KSR2: variants seen among roughly 807,000 people sequenced by gnomAD.
KSR2 encodes kinase suppressor of ras 2.
In KSR2, 25 loss-of-function variants were observed where a neutral mutation model predicts 107.8. That is an observed-to-expected ratio of 0.23 (90% confidence interval 0.17 to 0.32). The LOEUF (loss-of-function observed/expected upper bound fraction) is 0.32. Among genes scored for constraint, KSR2 ranks in the 10% least tolerant of loss-of-function variants. The probability of loss-of-function intolerance (pLI) is 1.00; values close to 1 mark genes in which losing one functional copy is unlikely to be tolerated. For synonymous variants in KSR2, 480 were observed against 507.0 expected (o/e 0.95, Z 0.71); for missense variants, 887 against 1,268.9 (o/e 0.70, Z 4.57).
intron 14 of KSR2, among the ~76,000 whole-genome samples, chr12:117,502,886 G>C (rs1470505652): frequency 6.6e-6 from 1 of 152,128 alleles, no homozygotes; most frequent in Non-Finnish European, 1.5e-5. Flanking sequence ...AAGAACATTT[G>C]TGTTCTTTGC....
intron 4 of KSR2, among the ~76,000 whole-genome samples, chr12:117,747,867 T>C (rs953954180): frequency 2.8e-4 from 42 of 152,310 alleles, no homozygotes; most frequent in African/African-American, 1.0e-3. Context: ...TGTAAATTAG[T>C]ACAGCCATTA....
intron 1 of KSR2, among the ~76,000 whole-genome samples, chr12:117,965,231 C>T (rs1366564417): frequency 1.3e-5 from 2 of 152,200 alleles, no homozygotes; most frequent in African/African-American, 4.8e-5. Context: ...AACCATCTTG[C>T]AACCATAAGA....
chr12:117,472,724 C>T (rs1297836234), intron 17 of KSR2, among the ~76,000 whole-genome samples: 1 of 152,116 alleles, frequency 6.6e-6, no homozygotes, highest in Admixed American at 6.5e-5. Flanking sequence ...GATCAGAAAG[C>T]TCTCAAGAGA....
intron 4 of KSR2, among the ~76,000 whole-genome samples, chr12:117,722,417 T>C (rs543167324): frequency 1.2e-4 from 19 of 152,246 alleles, no homozygotes; most frequent in East Asian, 5.8e-4. Context: ...CAGGATGAGA[T>C]AGAAGGTCAG....
intron 1 of KSR2, among the ~76,000 whole-genome samples, chr12:117,954,488 C>T (rs1896450773): frequency 6.6e-6 from 1 of 152,244 alleles, no homozygotes; most frequent in South Asian, 2.1e-4. Flanking sequence ...TCCCTTCTGT[C>T]ACCTGCAGCC....
At chr12:117,776,243 C>G (rs906437694) in intron 3 of KSR2, among the ~76,000 whole-genome samples, 2 of 152,028 alleles carry the variant, frequency 1.3e-5, no homozygotes, top group African/African-American at 4.8e-5. Flanking sequence ...GCAATTAAAC[C>G]TGGGACTCAG....
chr12:117,912,005 G>A (rs1284031281), intron 1 of KSR2, among the ~76,000 whole-genome samples: 5 of 152,144 alleles, frequency 3.3e-5, no homozygotes, highest in South Asian at 2.1e-4. Context: ...TAAACATGTC[G>A]ATCTCCTAAG....
At chr12:117,609,022 C>T (rs538369198) in intron 5 of KSR2, among the ~76,000 whole-genome samples, 2 of 152,200 alleles carry the variant, frequency 1.3e-5, no homozygotes, top group East Asian at 1.9e-4. Context: ...CTCATATTCC[C>T]CTTGGTCTAT....
chr12:117,775,950 G>A (rs1889670838), intron 3 of KSR2, among the ~76,000 whole-genome samples: 2 of 152,172 alleles, frequency 1.3e-5, no homozygotes, highest in African/African-American at 4.8e-5. Flanking sequence ...AAAGTGGGGA[G>A]TGGGGAAGGG....
At chr12:117,816,250 G>T (rs1434225262) in intron 3 of KSR2, among the ~76,000 whole-genome samples, 1 of 152,124 alleles carries the variant, frequency 6.6e-6, no homozygotes, top group African/African-American at 2.4e-5. Context: ...CAACCACCAT[G>T]CTGTGAGGAA....
intron 5 of KSR2, among the ~76,000 whole-genome samples, chr12:117,642,625 AAAG>A (rs1282184654): frequency 6.6e-6 from 1 of 152,218 alleles, no homozygotes; most frequent in Admixed American, 6.5e-5. Flanking sequence ...AGGTTGTTAC[AAAG>A]AAGACCATGC....
chr12:117,482,245 G>C (rs1872215042), intron 16 of KSR2, among the ~76,000 whole-genome samples: 1 of 151,958 alleles, frequency 6.6e-6, no homozygotes. Flanking sequence ...AGCCAGCCCA[G>C]CCCAGCTGTG....
At chr12:117,756,719 T>C (rs924302776) in intron 4 of KSR2, among the ~76,000 whole-genome samples, 1 of 152,198 alleles carries the variant, frequency 6.6e-6, no homozygotes, top group African/African-American at 2.4e-5. Flanking sequence ...ATAGCTGCCA[T>C]AGATAGTGAT....
At chr12:117,476,925 T>C (rs1182096080) in intron 16 of KSR2, among the ~76,000 whole-genome samples, 3 of 152,226 alleles carry the variant, frequency 2.0e-5, no homozygotes, top group East Asian at 3.8e-4. Flanking sequence ...ATTAGCAGAA[T>C]ACTGAATCAT....
chr12:117,499,291 T>G (rs76836902), intron 14 of KSR2, among the ~76,000 whole-genome samples: 6,495 of 152,342 alleles, frequency 0.043, 179 homozygotes, highest in Middle Eastern at 0.065. Context: ...TTAGCAGAGC[T>G]ATCTCTGGCT....
chr12:117,661,791 C>T (rs942479059), intron 5 of KSR2, among the ~76,000 whole-genome samples: 5 of 152,066 alleles, frequency 3.3e-5, no homozygotes, highest in South Asian at 2.1e-4. Flanking sequence ...GGAGAACCCC[C>T]GGTAGAACCT....
At chr12:117,906,785 C>A (rs992997407) in intron 1 of KSR2, among the ~76,000 whole-genome samples, 3 of 152,132 alleles carry the variant, frequency 2.0e-5, no homozygotes, top group African/African-American at 7.2e-5. Context: ...GTGGCTCATG[C>A]CTGTAATCCT....
At chr12:117,794,520 CCAACATGCACACA>C (rs1300360207) in intron 3 of KSR2, among the ~76,000 whole-genome samples, 52 of 132,728 alleles carry the variant, frequency 3.9e-4, no homozygotes, top group Admixed American at 5.8e-4. Flanking sequence ...TGCACACACA[CCAACATGCACACA>C]CAACATGCAC....
intron 4 of KSR2, among the ~76,000 whole-genome samples, chr12:117,747,983 CAAAG>C (rs1565993846): frequency 3.3e-5 from 5 of 152,154 alleles, no homozygotes. Flanking sequence ...ATCAGTATGT[CAAAG>C]AGATATCTGC....
Sources: gnomAD v4.1 joint callset for allele counts (sites outside exome capture counted in the v4.1 genomes callset) on GRCh38, gnomAD v4.1.1 for gene constraint, MANE v1.5 for transcripts, NCBI Gene and HGNC (gene_info 2026-07-23, HGNC 2026-07-21) for gene names.